The following LPIN1 variants were observed in gnomAD, a reference collection of about 807,000 sequenced individuals.
The protein encoded by LPIN1 is lipin 1, also known as phosphatidate phosphatase LPIN1.
Under a neutral mutation model 107.5 loss-of-function variants are expected in LPIN1, and 71 were observed. The observed-to-expected ratio is 0.66, with a 90% CI of 0.55 to 0.80. The LOEUF (loss-of-function observed/expected upper bound fraction) is 0.80, where lower values mean the gene tolerates loss of function less well. Among genes scored for constraint, LPIN1 ranks in the 30% least tolerant of loss-of-function variants. The pLI is 0.00. For missense variants in LPIN1, 1,043 were observed against 1,160.6 expected (o/e 0.90, Z 1.47); for synonymous variants, 445 against 452.6 (o/e 0.98, Z 0.21).
At chr2:11,820,287 C>T (rs1463898402) in intron 19 of LPIN1, 124 bp from the exon 20 acceptor site, 2 of 695,668 alleles carry the variant, frequency 2.9e-6, no homozygotes, top group African/African-American at 3.6e-5. Flanking sequence ...TTCACTGCAC[C>T]ACTTTGAGGT....
intron 1 of LPIN1, among the ~76,000 whole-genome samples, chr2:11,751,205 A>T (rs1442581568): frequency 6.6e-6 from 1 of 152,020 alleles, no homozygotes; most frequent in South Asian, 2.1e-4. Context: ...GCGCTGGAGG[A>T]GCTGAGTGAT....
chr2:11,783,607 A>G (rs1470137258), intron 8 of LPIN1, among the ~76,000 whole-genome samples: 1 of 152,140 alleles, frequency 6.6e-6, no homozygotes, highest in Admixed American at 6.5e-5. Context: ...CTCACCCTCA[A>G]CGGTACTGTG....
intron 17 of LPIN1, among the ~76,000 whole-genome samples, chr2:11,811,072 G>A (rs1268462425): frequency 6.6e-6 from 1 of 152,118 alleles, no homozygotes; most frequent in Non-Finnish European, 1.5e-5. Context: ...CTATTCCTGG[G>A]TCCCACCTGT....
intron 2 of LPIN1, among the ~76,000 whole-genome samples, chr2:11,767,191 C>T (rs999228133): frequency 2.6e-5 from 4 of 152,168 alleles, no homozygotes; most frequent in Non-Finnish European, 5.9e-5. Context: ...GGGATGATGT[C>T]TCCTGATTGG....
upstream of LPIN1, chr2:11,677,582 G>A: frequency 1.6e-6 from 2 of 1,234,816 alleles, no homozygotes; most frequent in South Asian, 2.6e-5. Context: ...CTGAGCCGGT[G>A]TTGCCGGGGG....
intron 9 of LPIN1, 184 bp from the exon 10 acceptor site, chr2:11,784,702 C>G: frequency 3.0e-6 from 2 of 673,340 alleles, no homozygotes; most frequent in South Asian, 3.3e-5. Flanking sequence ...TAATGGTTTT[C>G]TCTCCTAAGC....
intron 1 of LPIN1, among the ~76,000 whole-genome samples, chr2:11,761,821 A>G (rs1210014247): frequency 6.6e-6 from 1 of 152,196 alleles, no homozygotes; most frequent in African/African-American, 2.4e-5. Context: ...GTAGCTTATA[A>G]AAGAACAAAC....
At position 11,774,954 on chromosome 2, in the gene LPIN1, T is replaced by C. The variant is rs796088273; in HGVS notation, c.723-1132T>C. Among the ~76,000 whole-genome samples, 16 of 150,880 alleles carry C rather than the reference T, an allele frequency of 1.1e-4. No individual in the cohort carries two copies. The highest frequency in any genetic ancestry group is 3.7e-4 in the African/African-American group (15 of 40,780). On this transcript the variant is annotated intron_variant, in intron 5 of 20. Transcript: ENST00000674199. The surrounding 1 kb of genome is among the most constrained non-coding windows in gnomAD (Gnocchi z 4.4). ...AATTTTAAGATTTCCAGTAGCCCTA[T>C]TTTTAAAAAGTAAAAAAAAAAAAAA...
chr2:11,781,137 T>C (rs1237501311), intron 7 of LPIN1, among the ~76,000 whole-genome samples: 2 of 152,198 alleles, frequency 1.3e-5, no homozygotes, highest in Non-Finnish European at 2.9e-5. Flanking sequence ...AGTGAGTGAG[T>C]GAATGACTAT....
chr2:11,740,864 T>C (rs1349788351), intron 1 of LPIN1: 1 of 152,432 alleles, frequency 6.6e-6, no homozygotes, highest in Non-Finnish European at 1.5e-5. Flanking sequence ...AGAAGATCTG[T>C]GGCTGCTAAT....
chr2:11,808,885 A>G (rs1022161111), intron 17 of LPIN1, among the ~76,000 whole-genome samples: 14 of 118,292 alleles, frequency 1.2e-4, no homozygotes, highest in Non-Finnish European at 2.4e-4. Flanking sequence ...AAAAAAAAAA[A>G]AGAGAGAGCG....
At position 11,825,028 on chromosome 2, in the gene LPIN1, C is replaced by A; in HGVS notation, c.*237C>A. The A allele has an allele frequency of 3.5e-6, 2 of 567,272 alleles. No homozygotes were observed. Among genetic ancestry groups the A allele is most frequent in the Non-Finnish European group, 6.3e-6 (2 of 316,480 alleles). 35.1% of individuals were successfully genotyped at this position (567,272 alleles called of 1,614,324 possible). A position where few individuals can be genotyped will look rare whatever the true frequency, so the allele number is the denominator to read the frequency against. On this transcript the variant is annotated 3_prime_UTR_variant, in exon 21 of 21. Transcript: ENST00000674199. The surrounding 1 kb of genome is among the most constrained non-coding windows in gnomAD (Gnocchi z 4.1). ...TTGGGTGCATTTGTACCGTGAAAAG[C>A]ATTCCTCAGTTGTGGCTTAATGCCA...
At chr2:11,739,967 AATTGGCTCACATG>A (rs1322390334) in intron 1 of LPIN1, among the ~76,000 whole-genome samples, 3 of 152,192 alleles carry the variant, frequency 2.0e-5, no homozygotes, top group African/African-American at 4.8e-5. Flanking sequence ...TTAATTTGGA[AATTGGCTCACATG>A]ATTATGGAGG....
chr2:11,729,516 GC>G (rs1212943672), intron 1 of LPIN1, among the ~76,000 whole-genome samples: 1 of 152,172 alleles, frequency 6.6e-6, no homozygotes, highest in East Asian at 1.9e-4. Context: ...TGACACATGG[GC>G]CATATCTGTT....
chr2:11,767,446 G>T (rs1671098358), intron 2 of LPIN1: 1 of 343,232 alleles, frequency 2.9e-6, no homozygotes, highest in African/African-American at 2.1e-5. Flanking sequence ...CTATTAGCTT[G>T]CTGCAAAAAT....
At chr2:11,801,985 T>G (rs1677830234) in intron 14 of LPIN1, among the ~76,000 whole-genome samples, 1 of 152,116 alleles carries the variant, frequency 6.6e-6, no homozygotes, top group Admixed American at 6.5e-5. Context: ...ACTCTAACCT[T>G]GCCTAGAGGA....
intron 1 of LPIN1, among the ~76,000 whole-genome samples, chr2:11,757,327 T>C (rs1330692140): frequency 6.6e-6 from 1 of 152,156 alleles, no homozygotes; most frequent in Non-Finnish European, 1.5e-5. Context: ...TGATCACGTG[T>C]TTTAGCAGAC....
intron 1 of LPIN1, among the ~76,000 whole-genome samples, chr2:11,689,469 C>G (rs191920575): frequency 1.3e-5 from 2 of 152,338 alleles, no homozygotes; most frequent in East Asian, 3.9e-4. Flanking sequence ...AAAAATCTGA[C>G]TGACTTGCTT....
At chr2:11,763,543 G>A (rs898235099) in intron 1 of LPIN1, among the ~76,000 whole-genome samples, 8 of 152,152 alleles carry the variant, frequency 5.3e-5, no homozygotes, top group South Asian at 2.1e-4. Flanking sequence ...CTTTCCAGGC[G>A]GGGAAGGAAT....
Sources: gnomAD v4.1 joint callset for allele counts (sites outside exome capture counted in the v4.1 genomes callset) on GRCh38, gnomAD v4.1.1 for gene constraint, Gnocchi (gnomAD v3.1) non-coding constraint, MANE v1.5 for transcripts, NCBI Gene and HGNC (gene_info 2026-07-23, HGNC 2026-07-21) for gene names.